The following SLC44A1 variants were observed in gnomAD, a reference collection of about 807,000 sequenced individuals.
SLC44A1 encodes the protein solute carrier family 44 member 1, also known as choline transporter-like protein 1.
A neutral mutation model predicts 79.3 loss-of-function variants in SLC44A1; 26 were observed. The observed-to-expected ratio is 0.33, with a 90% CI of 0.24 to 0.46. The LOEUF is 0.46. SLC44A1 is among the 20% of genes least tolerant of loss of function. The pLI, the probability that SLC44A1 is intolerant of heterozygous loss-of-function variation, is 1.00. For missense variants in SLC44A1, 688 were observed against 798.1 expected, an observed-to-expected ratio of 0.86 and a Z score of 1.66; for synonymous variants, 263 against 286.2, an observed-to-expected ratio of 0.92 and a Z score of 0.82.
At position 105,363,474 on chromosome 9, in the gene SLC44A1, A is replaced by T. The variant is rs28512292; in HGVS notation, c.1087+467A>T. On this transcript the variant is annotated intron_variant, in intron 9 of 15. Transcript: ENST00000374720. ...CGTGAGCCACCGCACCTGGCCTTTT[A>T]TTTTTTTTGAGACAGAGTGTCTCTC... is the stretch of plus-strand genomic sequence containing the variant. 3.6e-3 allele frequency among the ~76,000 whole-genome samples: 526 copies of T among 144,904 alleles called. 2 individuals are homozygous for T. The highest frequency in any genetic ancestry group is 0.013 in the African/African-American group (513 of 38,854).
At chr9:105,438,120 A>G (rs1426362693) in intron 15 of SLC44A1, among the ~76,000 whole-genome samples, 1 of 144,402 alleles carries the variant, frequency 6.9e-6, no homozygotes, top group Non-Finnish European at 1.5e-5. Flanking sequence ...ATCTTTTTAA[A>G]TTTGTTAATC....
intron 1 of SLC44A1, among the ~76,000 whole-genome samples, chr9:105,269,335 T>C (rs903012877): frequency 2.6e-5 from 4 of 152,210 alleles, no homozygotes; most frequent in Non-Finnish European, 5.9e-5. Flanking sequence ...TCTTTTTAAC[T>C]GGTCACCTCT....
intron 15 of SLC44A1, among the ~76,000 whole-genome samples, chr9:105,434,369 A>G (rs1588883357): frequency 6.6e-6 from 1 of 152,156 alleles, no homozygotes; most frequent in Admixed American, 6.5e-5. Context: ...ATAGTTTGCA[A>G]TTTAAAAGAG....
intron 3 of SLC44A1, among the ~76,000 whole-genome samples, chr9:105,315,141 A>T (rs548396652): frequency 2.6e-5 from 4 of 152,324 alleles, no homozygotes; most frequent in Admixed American, 6.5e-5. Flanking sequence ...ACATTAAAAA[A>T]ACTTTGAAAG....
intron 3 of SLC44A1, among the ~76,000 whole-genome samples, chr9:105,315,333 AATTG>A (rs1269217585): frequency 2.0e-5 from 3 of 150,226 alleles, no homozygotes; most frequent in African/African-American, 7.5e-5. Flanking sequence ...CTTAGCTTCA[AATTG>A]ATAGTAGGGT....
chr9:105,296,778 C>T (rs1172978974), intron 1 of SLC44A1, among the ~76,000 whole-genome samples: 1 of 152,128 alleles, frequency 6.6e-6, no homozygotes, highest in Non-Finnish European at 1.5e-5. Flanking sequence ...AAAATACAGA[C>T]CACAATACAG....
intron 15 of SLC44A1, among the ~76,000 whole-genome samples, chr9:105,425,694 G>A (rs1017015753): frequency 3.3e-5 from 5 of 152,162 alleles, no homozygotes; most frequent in African/African-American, 4.8e-5. Context: ...GTGATGGCGG[G>A]TGCCTGTAAT....
At chr9:105,262,280 G>T (rs1261075527) in intron 1 of SLC44A1, among the ~76,000 whole-genome samples, 1 of 152,076 alleles carries the variant, frequency 6.6e-6, no homozygotes, top group Non-Finnish European at 1.5e-5. Context: ...GTAAACTTTA[G>T]GATAAAGTTA....
intron 1 of SLC44A1, among the ~76,000 whole-genome samples, chr9:105,285,825 G>A (rs921461895): frequency 2.0e-5 from 3 of 152,250 alleles, no homozygotes; most frequent in Non-Finnish European, 1.5e-5. Context: ...TGGATCTTCA[G>A]TTGCTTCAGG....
chr9:105,420,995 A>G (rs1264184456), intron 15 of SLC44A1, among the ~76,000 whole-genome samples: 1 of 152,196 alleles, frequency 6.6e-6, no homozygotes, highest in Non-Finnish European at 1.5e-5. Context: ...AATTTTGATA[A>G]ATAAAAACAA....
At chr9:105,345,977 T>C (rs867784284) in intron 4 of SLC44A1, among the ~76,000 whole-genome samples, 2 of 150,882 alleles carry the variant, frequency 1.3e-5, no homozygotes, top group African/African-American at 4.9e-5. Context: ...GCTAAGTATT[T>C]TTTATACTTT....
chr9:105,373,771 A>T (rs1828188887), intron 12 of SLC44A1, among the ~76,000 whole-genome samples: 1 of 152,216 alleles, frequency 6.6e-6, no homozygotes, highest in African/African-American at 2.4e-5. Context: ...TATGTTAGCG[A>T]AACAGCTATA....
intron 3 of SLC44A1, among the ~76,000 whole-genome samples, chr9:105,326,389 T>C (rs1156861944): frequency 6.6e-6 from 1 of 152,214 alleles, no homozygotes; most frequent in Non-Finnish European, 1.5e-5. Context: ...TTTAATTTAC[T>C]TTCTTGCCTC....
intron 4 of SLC44A1, among the ~76,000 whole-genome samples, chr9:105,347,975 C>T (rs1827291662): frequency 6.6e-6 from 1 of 151,974 alleles, no homozygotes; most frequent in Non-Finnish European, 1.5e-5. Context: ...TGTTCTTAGG[C>T]AAGTTATTTA....
chr9:105,286,171 G>A (rs940305721), intron 1 of SLC44A1, among the ~76,000 whole-genome samples: 4 of 152,136 alleles, frequency 2.6e-5, no homozygotes, highest in Admixed American at 6.5e-5. Context: ...CAATTCTTAC[G>A]CCTCTCATTT....
chr9:105,327,333 A>C lies in SLC44A1; in HGVS notation c.270-8230A>C, dbSNP rs140557828. 1.3e-4 allele frequency among the ~76,000 whole-genome samples: 20 copies of C among 152,216 alleles called. No homozygotes were observed. In the East Asian group the frequency reaches 3.9e-3, roughly 29 times the overall value. ...AGTCTCACTCTGTCACCCAGGCTGG[A>C]GTACAGTGGTGCAATCTCAACTCAC... On this transcript the variant is annotated intron_variant, in intron 3 of 15. Coordinates refer to ENST00000374720, the MANE Select transcript of SLC44A1 (RefSeq NM_080546.5).
At chr9:105,406,480 C>A (rs2131503001) in intron 15 of SLC44A1, among the ~76,000 whole-genome samples, 1 of 152,288 alleles carries the variant, frequency 6.6e-6, no homozygotes, top group Non-Finnish European at 1.5e-5. Flanking sequence ...GTGGCTCACA[C>A]CTATAATCTC....
chr9:105,318,675 G>A (rs1272386960), intron 3 of SLC44A1, among the ~76,000 whole-genome samples: 9 of 151,942 alleles, frequency 5.9e-5, no homozygotes, highest in Non-Finnish European at 1.0e-4. Flanking sequence ...TCTGCCTTTA[G>A]GATAATACTT....
intron 3 of SLC44A1, among the ~76,000 whole-genome samples, chr9:105,334,500 G>A (rs189363508): frequency 2.0e-5 from 3 of 151,700 alleles, no homozygotes; most frequent in Admixed American, 2.0e-4. Flanking sequence ...ACCACATTTT[G>A]CATAGCAACA....
Sources: gnomAD v4.1 joint callset for allele counts (sites outside exome capture counted in the v4.1 genomes callset) on GRCh38, gnomAD v4.1.1 for gene constraint, MANE v1.5 for transcripts, NCBI Gene and HGNC (gene_info 2026-07-23, HGNC 2026-07-21) for gene names.